Variants in SLC23A2 observed in about 807,000 individuals in gnomAD.
The protein encoded by SLC23A2 is Na(+)/L-ascorbic acid transporter 2.
In SLC23A2, 36 loss-of-function variants were observed where a neutral mutation model predicts 73.3. That is an observed-to-expected ratio of 0.49 (90% CI 0.38 to 0.65). The LOEUF (loss-of-function observed/expected upper bound fraction) is 0.65, where lower values mean the gene tolerates loss of function less well. Ranked by LOEUF, SLC23A2 falls within the 30% of genes least tolerant of loss-of-function variation. SLC23A2 has a pLI of 0.00. For missense variants in SLC23A2, 507 were observed against 841.6 expected (o/e 0.60, Z 4.92); for synonymous variants, 343 against 327.3 (o/e 1.05, Z -0.52).
At chr20:4,887,013 G>A (rs1931129404) in intron 6 of SLC23A2, among the ~76,000 whole-genome samples, 1 of 152,230 alleles carries the variant, frequency 6.6e-6, no homozygotes. Context: ...ACCATTCTGA[G>A]CCAGTGAGGT....
At chr20:4,938,710 G>A (rs1368064846) in intron 2 of SLC23A2, among the ~76,000 whole-genome samples, 1 of 152,126 alleles carries the variant, frequency 6.6e-6, no homozygotes, top group Non-Finnish European at 1.5e-5. Context: ...GCTCTTTGAT[G>A]GCTTCCTAAT....
chr20:4,912,192 C>G (rs1257911818), intron 4 of SLC23A2, among the ~76,000 whole-genome samples: 1 of 151,854 alleles, frequency 6.6e-6, no homozygotes, highest in East Asian at 1.9e-4. Flanking sequence ...GTCACAAAGT[C>G]TGACCATTCA....
At chr20:4,987,650 C>T (rs1439790653) in intron 1 of SLC23A2, among the ~76,000 whole-genome samples, 6 of 151,732 alleles carry the variant, frequency 4.0e-5, no homozygotes, top group Non-Finnish European at 8.8e-5. Context: ...AGATTGAGAC[C>T]ATCCTGGCTA....
At chr20:5,001,912 T>C (rs2088134022), upstream of SLC23A2, among the ~76,000 whole-genome samples, 1 of 151,830 alleles carries the variant, frequency 6.6e-6, no homozygotes, top group African/African-American at 2.4e-5. Flanking sequence ...GCTCAGTGGG[T>C]TGGATGTTTT....
chr20:4,938,126 GCTCAGGTGATCCTCCCACCTCAGC>G (rs2086988889), intron 2 of SLC23A2, among the ~76,000 whole-genome samples: 1 of 151,278 alleles, frequency 6.6e-6, no homozygotes, highest in African/African-American at 2.4e-5. Context: ...GACTTCCCAG[GCTCAGGTGATCCTCCCACCTCAGC>G]CTCCTGAGTA....
chr20:4,862,173 CT>C lies in SLC23A2; in HGVS notation c.1487-89del. The C allele has an allele frequency of 7.5e-7, 1 of 1,338,386 alleles. No individual in the cohort carries two copies. The highest frequency in any genetic ancestry group is 1.0e-6 in the Non-Finnish European group (1 of 955,232). 82.9% of individuals were successfully genotyped at this position (1,338,386 alleles called of 1,614,324 possible). A position where few individuals can be genotyped will look rare whatever the true frequency, so the allele number is the denominator to read the frequency against. ...GGTGAGGGCAGGCTCCCTGGCACCC[CT>C]TCTCTGTCCAACAGAAACCAATGAG... On this transcript the variant is annotated intron_variant, in intron 14 of 16. Coordinates refer to ENST00000338244, the MANE Select transcript of SLC23A2 (RefSeq NM_005116.6). This position sits in a 1 kb window ranked among gnomAD's most constrained non-coding sequence, Gnocchi z 5.1.
intron 1 of SLC23A2, among the ~76,000 whole-genome samples, chr20:4,997,182 A>G (rs957706928): frequency 3.9e-5 from 6 of 152,082 alleles, no homozygotes; most frequent in African/African-American, 1.4e-4. Flanking sequence ...TGTCTCACAC[A>G]GCAACGCCTA....
At chr20:4,925,501 C>T (rs1932638118) in intron 3 of SLC23A2, among the ~76,000 whole-genome samples, 1 of 152,192 alleles carries the variant, frequency 6.6e-6, no homozygotes, top group Non-Finnish European at 1.5e-5. Flanking sequence ...AAAGCAGGTG[C>T]CCAATAACCA....
At chr20:4,943,894 A>G (rs1302443370) in intron 2 of SLC23A2, among the ~76,000 whole-genome samples, 14 of 152,202 alleles carry the variant, frequency 9.2e-5, no homozygotes, top group Admixed American at 9.2e-4. Flanking sequence ...GGAGCTGCAC[A>G]GACATTTCGT....
chr20:4,853,781 A>G lies in SLC23A2; in HGVS notation c.*3191T>C, dbSNP rs973759304. 2.6e-5 allele frequency: 4 copies of G among 152,450 alleles called. No individual in the cohort carries two copies. Among genetic ancestry groups the G allele is most frequent in the Admixed American group, 2.6e-4 (4 of 15,290 alleles). The allele number at this position is 152,450 out of a possible 1,614,324, so 9.4% of individuals were successfully genotyped here. On this transcript the variant is annotated 3_prime_UTR_variant, in exon 17 of 17. Coordinates refer to ENST00000338244, the MANE Select transcript of SLC23A2 (RefSeq NM_005116.6). ...GCTTCATTCTGGCTGGCATGGTTAA[A>G]GCCACTTCTCTTGCCTTGATCAATC... is the stretch of plus-strand genomic sequence containing the variant.
In SLC23A2 at chr20:4,873,978, C is replaced by A; in HGVS notation, c.1060G>T (p.Gly354Cys). 1 of 1,614,160 alleles carries A rather than the reference C, an allele frequency of 6.2e-7. No homozygotes were observed. The highest frequency in any genetic ancestry group is 8.5e-7 in the Non-Finnish European group (1 of 1,180,018). Residue 354 changes from glycine to cysteine, a missense_variant, in exon 11 of 17, where the codon GGC (glycine) becomes TGC (cysteine). By Grantham distance (159) the Gly-to-Cys change is radical (BLOSUM62 -3). This residue lies in a region of SLC23A2 where 217 missense variants were observed against 398.0 expected (regional missense o/e 0.55). Transcript: ENST00000338244. ...GFYARTDARQGVLLVAPWFKV... is the reference protein window; with the variant it reads ...GFYARTDARQCVLLVAPWFKV... ...AACCACGGGGCTACCAGAAGCACGC[C>A]TTGCCTGGCATCTGTGCGAGCATAG...
At chr20:4,908,865 C>A (rs554709321) in intron 4 of SLC23A2, among the ~76,000 whole-genome samples, 1 of 152,102 alleles carries the variant, frequency 6.6e-6, no homozygotes, top group African/African-American at 2.4e-5. Context: ...AACTGGGGGG[C>A]GGAGGTTGCA....
At chr20:4,879,010 C>T (rs925620797) in intron 9 of SLC23A2, among the ~76,000 whole-genome samples, 8 of 152,170 alleles carry the variant, frequency 5.3e-5, no homozygotes, top group African/African-American at 1.2e-4. Flanking sequence ...AAATGATACC[C>T]GTGATAATAA....
chr20:4,935,084 G>A (rs1424933153), intron 2 of SLC23A2, among the ~76,000 whole-genome samples: 1 of 150,778 alleles, frequency 6.6e-6, no homozygotes, highest in Non-Finnish European at 1.5e-5. Flanking sequence ...CTATTTGGGA[G>A]GCTGAGGCAG....
intron 4 of SLC23A2, among the ~76,000 whole-genome samples, chr20:4,907,982 A>C (rs531826512): frequency 2.6e-5 from 4 of 152,328 alleles, no homozygotes; most frequent in African/African-American, 9.6e-5. Context: ...AGCACAAGGA[A>C]GAACAGATAA....
chr20:4,857,283 TACACACACACACACACAC>T lies in SLC23A2; in HGVS notation c.1721-97_1721-80del, dbSNP rs398035250. On this transcript the variant is annotated intron_variant, in intron 16 of 16. Transcript: ENST00000338244. The surrounding 1 kb of genome is among the most constrained non-coding windows in gnomAD (Gnocchi z 4.0). ...GAAAATGAAACTGTCGTCAAACACA[TACACACACACACACACAC>T]ACACACACACACACACACACACACA... The T allele has an allele frequency of 0.095, 39,840 of 420,264 alleles. 1,377 individuals are homozygous for T. Among genetic ancestry groups the T allele is most frequent in the African/African-American group, 0.25 (11,350 of 45,570 alleles). 26.0% of individuals were successfully genotyped at this position (420,264 alleles called of 1,614,324 possible).
chr20:4,923,254 C>CAGGG (rs548046848), intron 3 of SLC23A2, among the ~76,000 whole-genome samples: 29 of 49,552 alleles, frequency 5.9e-4, no homozygotes, highest in Middle Eastern at 0.015. Flanking sequence ...GGGAGGGAGG[C>CAGGG]AGGGAGGGAG....
chr20:4,873,899 G>A (rs754759159), intron 11 of SLC23A2, 37 bp downstream of exon 11: 20 of 1,583,638 alleles, frequency 1.3e-5, no homozygotes, highest in African/African-American at 2.7e-5. Flanking sequence ...TTGGGCCCTC[G>A]TGGGCTCTTG....
Position 4,883,901 on chromosome 20 carries a change from C to T in SLC23A2, c.643-78G>A. On this transcript the variant is annotated intron_variant, in intron 8 of 16. Coordinates refer to ENST00000338244, the MANE Select transcript of SLC23A2 (RefSeq NM_005116.6). This position sits in a 1 kb window ranked among gnomAD's most constrained non-coding sequence, Gnocchi z 4.5. Reference sequence around the variant, plus strand: ...CTCAGAATGTCACCTACAACCACAACTGATAATTCTGCAAGGCAATAAGTT... The same window carrying T: ...CTCAGAATGTCACCTACAACCACAATTGATAATTCTGCAAGGCAATAAGTT... 6.0e-6 allele frequency: 6 copies of T among 1,000,638 alleles called. No homozygotes were observed. Among genetic ancestry groups the T allele is most frequent in the Non-Finnish European group, 8.7e-6 (6 of 686,410 alleles). 62.0% of individuals were successfully genotyped at this position (1,000,638 alleles called of 1,614,324 possible).
Sources: gnomAD v4.1 joint callset for allele counts (sites outside exome capture counted in the v4.1 genomes callset) on GRCh38, gnomAD v4.1.1 for gene constraint, gnomAD v4.1.1 regional missense constraint, Gnocchi (gnomAD v3.1) non-coding constraint, MANE v1.5 for transcripts, NCBI Gene and HGNC (gene_info 2026-07-23, HGNC 2026-07-21) for gene names.